CCDC14: variants seen among roughly 807,000 people sequenced by gnomAD.
The protein encoded by CCDC14 is coiled-coil domain-containing protein 14.
Under a neutral mutation model 81.4 loss-of-function variants are expected in CCDC14, and 71 were observed. The ratio of observed to expected loss-of-function variants is 0.87; its 90% CI spans 0.72 to 1.06. The LOEUF is 1.06. Ranked by LOEUF, CCDC14 falls within the 50% of genes least tolerant of loss-of-function variation. The pLI is 0.00. For synonymous variants in CCDC14, 332 were observed against 364.8 expected (o/e 0.91, Z 1.03); for missense variants, 1,046 against 1,047.3 (o/e 1.00, Z 0.02).
intron 5 of CCDC14, among the ~76,000 whole-genome samples, chr3:123,905,024 TA>T (rs2034276943): frequency 6.6e-6 from 1 of 151,822 alleles, no homozygotes; most frequent in Non-Finnish European, 1.5e-5. Context: ...AGAGAGAGAA[TA>T]AACAGACCCA....
intron 5 of CCDC14, 187 bp downstream of exon 5, chr3:123,955,654 CTT>C (rs930969283): frequency 7.2e-6 from 3 of 418,712 alleles, no homozygotes; most frequent in African/African-American, 6.2e-5. Context: ...TATTTTTCTT[CTT>C]GAGAAAATGA....
intron 2 of CCDC14, 29 bp from the exon 3 acceptor site, chr3:123,956,456 C>G: frequency 6.8e-7 from 1 of 1,469,388 alleles, no homozygotes; most frequent in Non-Finnish European, 9.2e-7. Flanking sequence ...AATATTCTTA[C>G]AAATATTTTT....
At chr3:123,958,890 C>A (rs1377023207) in intron 1 of CCDC14, 1 of 152,110 alleles carries the variant, frequency 6.6e-6, no homozygotes, top group Non-Finnish European at 1.5e-5. Context: ...TAAAATCATG[C>A]AGTATTTGTC....
At chr3:123,888,957 T>C in the CCDC14 span, among the ~76,000 whole-genome samples, 2 of 152,166 alleles carry the variant, frequency 1.3e-5, no homozygotes, top group Admixed American at 1.3e-4. Context: ...TCTCCCAATC[T>C]TAACTCATTT....
rs146381494 is a variant in CCDC14, at chr3:123,929,982, G to C, written c.1778+1120C>G. On this transcript the variant is annotated intron_variant, in intron 12 of 12. Coordinates refer to ENST00000409697, the MANE Select transcript of CCDC14 (RefSeq NM_001366335.1). ...GGATACCTTACAAAGACTTCCATAA[G>C]AAGGGACATTCTATTACTTTATTTT... 4.5e-3 allele frequency among the ~76,000 whole-genome samples: 690 copies of C among 152,276 alleles called. 14 individuals carry two copies. Among genetic ancestry groups the C allele is most frequent in the Admixed American group, 0.037 (571 of 15,294 alleles).
intron 8 of CCDC14, among the ~76,000 whole-genome samples, chr3:123,945,841 A>G (rs1244389636): frequency 1.3e-5 from 2 of 152,160 alleles, no homozygotes; most frequent in African/African-American, 4.8e-5. Flanking sequence ...ATCTTTATTT[A>G]TTTATTTATT....
chr3:123,893,936 G>T (rs1477437783), downstream of CCDC14, among the ~76,000 whole-genome samples: 1 of 152,002 alleles, frequency 6.6e-6, no homozygotes, highest in Non-Finnish European at 1.5e-5. Flanking sequence ...TACATATTCT[G>T]ACTATTAATC....
chr3:123,915,524 G>C lies in CCDC14; in HGVS notation c.1973C>G (p.Ser658Ter), dbSNP rs2034625321. The C allele has an allele frequency of 1.9e-6, 3 of 1,613,994 alleles. No homozygotes were observed. The highest frequency in any genetic ancestry group is 1.7e-6 in the Non-Finnish European group (2 of 1,179,888). ...KLETNYSFTH[S>*]EPLSTIKNEE... ...ATTTTTAATTGTAGAAAGTGGCTCT[G>C]AATGTGTAAAACTGTAATTTGTTTC... The change falls in exon 13 of 13, where the codon TCA (serine) becomes TGA (stop). Residue 658 changes from serine to a stop codon, truncating the protein, a stop_gained. Coordinates refer to ENST00000409697, the MANE Select transcript of CCDC14 (RefSeq NM_001366335.1). LOFTEE classifies it low-confidence loss of function (END_TRUNC).
intron 7 of CCDC14, among the ~76,000 whole-genome samples, chr3:123,948,405 C>A (rs1241603576): frequency 6.6e-6 from 1 of 152,052 alleles, no homozygotes; most frequent in Non-Finnish European, 1.5e-5. Context: ...CCATGCCCAG[C>A]TAATTTCTGT....
chr3:123,906,787 T>C (rs13088101), intron 5 of CCDC14, among the ~76,000 whole-genome samples: 68,902 of 152,104 alleles, frequency 0.45, 18,288 homozygotes, highest in Non-Finnish European at 0.62. Flanking sequence ...GTAAGTAAAG[T>C]GCTGAAGGGA....
At chr3:123,948,116 G>A (rs1396763294) in intron 7 of CCDC14, among the ~76,000 whole-genome samples, 1 of 152,070 alleles carries the variant, frequency 6.6e-6, no homozygotes, top group East Asian at 1.9e-4. Flanking sequence ...AACTCTATCA[G>A]TGTGTCAACA....
At position 123,914,878 on chromosome 3, in the gene CCDC14, A is replaced by C; in HGVS notation, c.2619T>G (p.Thr873=). ...TTCTGAAGTCTTGTTCATCACGAGA[A>C]GTGAACGTTGAAAACGAAGAGATGC... The part of the protein sequence containing the change: ...DWSISSFSTF[T]SRDEQDFRNG... Residue 873 remains threonine, a synonymous_variant, in exon 13 of 13, where the codon ACT becomes ACG. Transcript: ENST00000409697. The C allele has an allele frequency of 1.9e-6, 3 of 1,613,498 alleles. No homozygotes were observed. The highest frequency in any genetic ancestry group is 1.7e-6 in the Non-Finnish European group (2 of 1,179,686).
chr3:123,897,511 C>G, exon 6 of CCDC14: 1 of 637,784 alleles, frequency 1.6e-6, no homozygotes, highest in Non-Finnish European at 2.2e-6. Context: ...GATCTCCCAC[C>G]TCTTCCTTGT....
rs1487985783 is a variant in CCDC14, at chr3:123,928,911, G to A, written c.1778+2191C>T. On this transcript the variant is annotated intron_variant, in intron 12 of 12. Transcript: ENST00000409697. ...CAGTTTGCCCATCTATGAAAATGCA[G>A]ATACTAAAATCTTCCCTCCATAGAT... 2.0e-5 allele frequency among the ~76,000 whole-genome samples: 3 copies of A among 152,096 alleles called. No homozygotes were observed. In the East Asian group the frequency reaches 5.8e-4, roughly 29 times the overall value.
intron 12 of CCDC14, among the ~76,000 whole-genome samples, chr3:123,919,142 T>C (rs1172226880): frequency 6.6e-6 from 1 of 152,140 alleles, no homozygotes; most frequent in East Asian, 1.9e-4. Flanking sequence ...CATAAATCTG[T>C]GGAGGTCGGC....
At chr3:123,894,223 G>A (rs1577192024), downstream of CCDC14, among the ~76,000 whole-genome samples, 1 of 152,096 alleles carries the variant, frequency 6.6e-6, no homozygotes, top group East Asian at 1.9e-4. Context: ...TGAAAAGACT[G>A]TTGTTTACCC....
Position 123,956,776 on chromosome 3 carries a change from T to A in CCDC14, c.50A>T (p.His17Leu). Residue 17 changes from histidine to leucine, a missense_variant, in exon 2 of 13, where the codon CAC (histidine) becomes CTC (leucine). Physicochemically the swap from His to Leu is moderately conservative, Grantham distance 99. Transcript: ENST00000409697. ...ATTTGTTAATTTAGCAGGTCCAGTG[T>A]GCCTTCCTGAAGATAACACCTATGA... ...RPGQVLSSGR[H>L]TGPAKLTNGK... is the part of the protein sequence containing the mutation. The A allele has an allele frequency of 6.5e-7, 1 of 1,545,944 alleles. No individual in the cohort carries two copies. The highest frequency in any genetic ancestry group is 8.8e-7 in the Non-Finnish European group (1 of 1,142,512).
At chr3:123,922,606 C>T (rs1437375796) in intron 12 of CCDC14, among the ~76,000 whole-genome samples, 1 of 151,920 alleles carries the variant, frequency 6.6e-6, no homozygotes, top group Non-Finnish European at 1.5e-5. Context: ...TTAGATAACC[C>T]AGAAGAAATG....
At chr3:123,922,941 G>A (rs1266647973) in intron 12 of CCDC14, among the ~76,000 whole-genome samples, 2 of 151,972 alleles carry the variant, frequency 1.3e-5, no homozygotes, top group African/African-American at 4.8e-5. Flanking sequence ...AGGCCAATAT[G>A]ACTCTGATAA....
Sources: allele counts gnomAD v4.1 joint callset (sites outside exome capture counted in the v4.1 genomes callset), GRCh38; gene constraint gnomAD v4.1.1; transcripts MANE v1.5; gene names NCBI Gene and HGNC (gene_info 2026-07-23, HGNC 2026-07-21).